Variants in SI observed in about 807,000 individuals in gnomAD.
SI encodes the protein sucrase-isomaltase.
In SI, 235 loss-of-function variants were observed where a neutral mutation model predicts 253.3. The observed-to-expected ratio is 0.93, with a 90% CI of 0.83 to 1.03. The LOEUF (loss-of-function observed/expected upper bound fraction) is 1.03. SI is among the 50% of genes least tolerant of loss of function. The pLI is 0.00. For missense variants in SI, 2,442 were observed against 2,211.1 expected (o/e 1.10, Z -2.09); for synonymous variants, 819 against 712.0 (o/e 1.15, Z -2.39).
At chr3:165,056,548 C>T (rs1560011144) in intron 12 of SI, among the ~76,000 whole-genome samples, 1 of 152,156 alleles carries the variant, frequency 6.6e-6, no homozygotes, top group African/African-American at 2.4e-5. Flanking sequence ...CACCACCCCT[C>T]TCACATTCCC....
chr3:165,086,041 G>C, the SI span, among the ~76,000 whole-genome samples: 1 of 151,994 alleles, frequency 6.6e-6, no homozygotes, highest in South Asian at 2.1e-4. Flanking sequence ...ATCACTTGAG[G>C]TCAGGAGTTC....
At chr3:165,045,478 C>A (rs1003069366) in intron 16 of SI, among the ~76,000 whole-genome samples, 1 of 151,814 alleles carries the variant, frequency 6.6e-6, no homozygotes, top group Non-Finnish European at 1.5e-5. Context: ...CTTTTTTTAA[C>A]AAATATGCTA....
At position 164,987,171 on chromosome 3, in the gene SI, C is replaced by T. The variant is rs1717478296; in HGVS notation, c.5164G>A (p.Gly1722Ser). 1 of 1,613,654 alleles carries T rather than the reference C, an allele frequency of 6.2e-7. No homozygotes were observed. The highest frequency in any genetic ancestry group is 8.5e-7 in the Non-Finnish European group (1 of 1,179,774). Residue 1722 changes from glycine to serine, a missense_variant, in exon 45 of 48, where the codon GGT becomes AGT. Gly to Ser is a moderately conservative substitution (Grantham distance 56). Transcript: ENST00000264382. ...VAADDNQMAQ[G>S]SLFWDDGESI... ...TCTCCATCATCCCAAAACAGAGAACCCTGTGCCATCTGATTATCATCTGCA... is the reference window on the plus strand; with the variant it reads ...TCTCCATCATCCCAAAACAGAGAACTCTGTGCCATCTGATTATCATCTGCA...
chr3:165,085,313 G>A, the SI span, among the ~76,000 whole-genome samples: 1 of 152,098 alleles, frequency 6.6e-6, no homozygotes, highest in African/African-American at 2.4e-5. Flanking sequence ...TTTTTTGAAA[G>A]TAATGAAGCA....
chr3:165,047,840 AAG>A (rs1310216434), intron 15 of SI, among the ~76,000 whole-genome samples: 2 of 32,780 alleles, frequency 6.1e-5, no homozygotes, highest in African/African-American at 1.1e-4. Flanking sequence ...CATAATTAAG[AAG>A]ATTTTTTTTT....
chr3:164,993,933 T>C (rs2108130274), intron 41 of SI, among the ~76,000 whole-genome samples: 1 of 151,780 alleles, frequency 6.6e-6, no homozygotes, highest in African/African-American at 2.4e-5. Context: ...GGGCATTACT[T>C]ATCTCCCTGG....
intron 35 of SI, among the ~76,000 whole-genome samples, chr3:165,008,724 T>A (rs1010707012): frequency 6.6e-6 from 1 of 151,952 alleles, no homozygotes; most frequent in Non-Finnish European, 1.5e-5. Context: ...AATTAATGCT[T>A]TACACTGGAA....
intron 44 of SI, among the ~76,000 whole-genome samples, chr3:164,987,429 G>A (rs6784289): frequency 0.048 from 7,324 of 152,184 alleles, 597 homozygotes; most frequent in African/African-American, 0.17. Context: ...TTCATATTTA[G>A]GCCGGGTGCG....
chr3:165,059,151 G>A lies in SI; in HGVS notation c.1278+17C>T. On this transcript the variant is annotated intron_variant, in intron 11 of 47. Transcript: ENST00000264382. ...GTGTAAACACTAAAAATGTATTAAG[G>A]TATAATTGATTATTACCAAGATGAT... is the stretch of plus-strand genomic sequence containing the variant. 6.2e-7 allele frequency: 1 copy of A among 1,611,850 alleles called. No homozygotes were observed. The highest frequency in any genetic ancestry group is 2.2e-5 in the East Asian group (1 of 44,638).
chr3:165,055,257 A>T lies in SI; in HGVS notation c.1449T>A (p.Ile483=), dbSNP rs752059256. The T allele has an allele frequency of 2.9e-5, 47 of 1,611,888 alleles. No individual in the cohort carries two copies. The highest frequency in any genetic ancestry group is 3.9e-5 in the Non-Finnish European group (46 of 1,178,640). ...TACTGCATTCATTTGCCCACCAATCAATGCAGTTTGGGTTAGTGAAATCAG... is the reference window on the plus strand; with the variant it reads ...TACTGCATTCATTTGCCCACCAATCTATGCAGTTTGGGTTAGTGAAATCAG... The part of the protein sequence containing the change: ...VYPDFTNPNC[I]DWWANECSIF... Residue 483 remains isoleucine (I), a synonymous_variant, in exon 13 of 48, where the codon ATT becomes ATA. Coordinates refer to ENST00000264382, the MANE Select transcript of SI (RefSeq NM_001041.4).
chr3:165,076,612 T>G (rs1714992282), intron 1 of SI, among the ~76,000 whole-genome samples: 2 of 151,706 alleles, frequency 1.3e-5, no homozygotes, highest in Admixed American at 6.6e-5. Flanking sequence ...GAGTTGCTAC[T>G]CTGTTTAAAA....
chr3:164,983,344 G>A (rs1717287461), intron 45 of SI, among the ~76,000 whole-genome samples: 2 of 152,104 alleles, frequency 1.3e-5, no homozygotes, highest in East Asian at 1.9e-4. Flanking sequence ...CACAACAGTG[G>A]GAAGGTGGCA....
chr3:165,026,472 G>GA (rs1380027811), intron 25 of SI, among the ~76,000 whole-genome samples: 2 of 151,016 alleles, frequency 1.3e-5, no homozygotes, highest in Non-Finnish European at 3.0e-5. Context: ...CCATACCCCA[G>GA]AAAAAATGGA....
chr3:165,012,860 A>T (rs985521990), intron 34 of SI, 120 bp downstream of exon 34: 10 of 766,282 alleles, frequency 1.3e-5, no homozygotes, highest in Non-Finnish European at 2.1e-5. Flanking sequence ...TCTGATATCG[A>T]TAATTTAAAA....
At chr3:165,036,705 T>C (rs934301690) in intron 21 of SI, among the ~76,000 whole-genome samples, 29 of 151,896 alleles carry the variant, frequency 1.9e-4, no homozygotes, top group Admixed American at 1.8e-3. Context: ...AAAGAATAAA[T>C]GTAATAAATG....
chr3:165,012,194 A>G (rs191291868), intron 34 of SI, among the ~76,000 whole-genome samples: 1 of 152,280 alleles, frequency 6.6e-6, no homozygotes, highest in African/African-American at 2.4e-5. Context: ...AAAACAGTTA[A>G]ACTCATAAAA....
chr3:165,040,922 A>G lies in SI; in HGVS notation c.2159+18T>C. ...TACTTTAAAAGGTATTATTATAATTATTGTACGTAGTACTCACTCATGAAG... is the reference window on the plus strand; with the variant it reads ...TACTTTAAAAGGTATTATTATAATTGTTGTACGTAGTACTCACTCATGAAG... On this transcript the variant is annotated intron_variant, in intron 18 of 47. Coordinates refer to ENST00000264382, the MANE Select transcript of SI (RefSeq NM_001041.4). 33 of 1,582,052 alleles carry G rather than the reference A, an allele frequency of 2.1e-5. No individual in the cohort carries two copies. Among genetic ancestry groups the G allele is most frequent in the Non-Finnish European group, 2.9e-5 (33 of 1,151,566 alleles).
At chr3:164,992,117 A>G in intron 43 of SI, 60 bp downstream of exon 43, 2 of 1,352,932 alleles carry the variant, frequency 1.5e-6, no homozygotes, top group Non-Finnish European at 2.1e-6. Context: ...TGAAAAGGCT[A>G]GGGCCAAACA....
chr3:165,018,295 TA>T (rs1281125219), intron 28 of SI, among the ~76,000 whole-genome samples: 1 of 150,834 alleles, frequency 6.6e-6, no homozygotes, highest in Admixed American at 6.7e-5. Context: ...ATTTGTATAT[TA>T]ATAGAAATTA....
Sources: allele counts gnomAD v4.1 joint callset (sites outside exome capture counted in the v4.1 genomes callset), GRCh38; gene constraint gnomAD v4.1.1; transcripts MANE v1.5; gene names NCBI Gene and HGNC (gene_info 2026-07-23, HGNC 2026-07-21).